COL21A1: variants seen among roughly 807,000 people sequenced by gnomAD.
The protein encoded by COL21A1 is collagen alpha-1(XXI) chain.
A neutral mutation model predicts 137.9 loss-of-function variants in COL21A1; 149 were observed. The observed-to-expected ratio is 1.08, with a 90% CI of 0.95 to 1.24. The LOEUF is 1.24. COL21A1 is among the 50% of genes most tolerant of loss of function. The probability of loss-of-function intolerance (pLI) is 0.00; values close to 1 mark genes in which losing one functional copy is unlikely to be tolerated. For synonymous variants in COL21A1, 456 were observed against 391.5 expected (o/e 1.16, Z -1.95); for missense variants, 1,167 against 1,158.4 (o/e 1.01, Z -0.11).
intron 17 of COL21A1, among the ~76,000 whole-genome samples, chr6:56,092,350 AT>A (rs1275163052): frequency 6.6e-6 from 1 of 152,166 alleles, no homozygotes; most frequent in Non-Finnish European, 1.5e-5. Context: ...ATCCATGCAG[AT>A]CCTTTTTTAC....
At chr6:56,215,892 C>T (rs1780450216) in intron 1 of COL21A1, among the ~76,000 whole-genome samples, 1 of 152,030 alleles carries the variant, frequency 6.6e-6, no homozygotes, top group Non-Finnish European at 1.5e-5. Context: ...CTGTCATTTT[C>T]CTGTAAGGTA....
intron 20 of COL21A1, among the ~76,000 whole-genome samples, chr6:56,073,553 C>T (rs1341614125): frequency 2.0e-5 from 3 of 151,338 alleles, no homozygotes; most frequent in Non-Finnish European, 1.5e-5. Flanking sequence ...GAAGGCTGTC[C>T]TAGAATCTAT....
chr6:56,379,618 A>C (rs1770187747), intron 1 of COL21A1, among the ~76,000 whole-genome samples: 1 of 152,204 alleles, frequency 6.6e-6, no homozygotes, highest in African/African-American at 2.4e-5. Flanking sequence ...TATGTACATA[A>C]ACATCAAAAA....
At chr6:56,266,582 C>T (rs1308664003) in intron 1 of COL21A1, among the ~76,000 whole-genome samples, 10 of 152,202 alleles carry the variant, frequency 6.6e-5, no homozygotes, top group African/African-American at 2.4e-4. Context: ...GCAAAATCTT[C>T]AGCTCTGCTA....
At chr6:56,265,693 C>T (rs1763376172) in intron 1 of COL21A1, among the ~76,000 whole-genome samples, 1 of 152,222 alleles carries the variant, frequency 6.6e-6, no homozygotes, top group Non-Finnish European at 1.5e-5. Context: ...CCTCCACCTA[C>T]ATCTTTTAGT....
chr6:56,164,177 C>T (rs1276547926), intron 9 of COL21A1, among the ~76,000 whole-genome samples: 1 of 152,046 alleles, frequency 6.6e-6, no homozygotes, highest in African/African-American at 2.4e-5. Context: ...AAAAAACAAC[C>T]AAACAAATAA....
intron 25 of COL21A1, among the ~76,000 whole-genome samples, chr6:56,061,331 C>T (rs1039137577): frequency 2.0e-5 from 3 of 152,060 alleles, no homozygotes; most frequent in Admixed American, 2.0e-4. Flanking sequence ...TAACACAGTC[C>T]TATTCACAAG....
intron 1 of COL21A1, among the ~76,000 whole-genome samples, chr6:56,308,884 G>C (rs988547602): frequency 6.6e-6 from 1 of 152,168 alleles, no homozygotes; most frequent in Admixed American, 6.5e-5. Context: ...CCACTGGGAA[G>C]TAGGTCCATA....
intron 1 of COL21A1, among the ~76,000 whole-genome samples, chr6:56,209,646 T>A (rs1433638879): frequency 6.6e-6 from 1 of 152,130 alleles, no homozygotes; most frequent in Non-Finnish European, 1.5e-5. Context: ...CTGGAGAGGA[T>A]GTGGAGAAAC....
At chr6:56,149,296 A>G (rs1427143525) in intron 10 of COL21A1, among the ~76,000 whole-genome samples, 1 of 152,222 alleles carries the variant, frequency 6.6e-6, no homozygotes, top group Non-Finnish European at 1.5e-5. Context: ...TAACACTGGA[A>G]CTAATAAAAA....
chr6:56,303,943 G>A (rs377688062), intron 1 of COL21A1, among the ~76,000 whole-genome samples: 1 of 152,112 alleles, frequency 6.6e-6, no homozygotes, highest in Non-Finnish European at 1.5e-5. Flanking sequence ...TAGCATGAAG[G>A]GTTGTTGAGT....
intron 1 of COL21A1, among the ~76,000 whole-genome samples, chr6:56,299,807 T>C (rs896071001): frequency 6.6e-6 from 1 of 152,080 alleles, no homozygotes; most frequent in African/African-American, 2.4e-5. Context: ...TGATATGTCT[T>C]ACCTCAACAT....
intron 17 of COL21A1, among the ~76,000 whole-genome samples, chr6:56,094,732 T>A (rs1472554820): frequency 1.3e-5 from 2 of 152,034 alleles, no homozygotes; most frequent in African/African-American, 2.4e-5. Context: ...TATGCAAGAG[T>A]GGGGACTGGC....
At chr6:56,181,488 T>C (rs1376970564) in intron 2 of COL21A1, among the ~76,000 whole-genome samples, 1 of 152,080 alleles carries the variant, frequency 6.6e-6, no homozygotes, top group Non-Finnish European at 1.5e-5. Flanking sequence ...AGACTCATTG[T>C]TGTCTGAAGC....
intron 1 of COL21A1, among the ~76,000 whole-genome samples, chr6:56,375,327 T>C (rs2093997080): frequency 6.6e-6 from 1 of 152,154 alleles, no homozygotes; most frequent in Non-Finnish European, 1.5e-5. Flanking sequence ...GGCTGAACCG[T>C]ATGGACTGAC....
intron 1 of COL21A1, among the ~76,000 whole-genome samples, chr6:56,252,942 T>C (rs1410813246): frequency 6.6e-6 from 1 of 152,206 alleles, no homozygotes; most frequent in Admixed American, 6.5e-5. Context: ...CCTTGGATTA[T>C]AAACACCTCC....
chr6:56,261,665 G>T (rs1269440301), intron 1 of COL21A1, among the ~76,000 whole-genome samples: 1 of 152,164 alleles, frequency 6.6e-6, no homozygotes, highest in Non-Finnish European at 1.5e-5. Context: ...AGTCTAAGGG[G>T]TTTTTTCTTG....
At chr6:56,125,894 T>C (rs905170952) in intron 13 of COL21A1, among the ~76,000 whole-genome samples, 1 of 152,036 alleles carries the variant, frequency 6.6e-6, no homozygotes, top group African/African-American at 2.4e-5. Context: ...TTAAATACTA[T>C]AAAATCATAT....
At chr6:56,126,525 A>G in intron 12 of COL21A1, 1 of 181,038 alleles carries the variant, frequency 5.5e-6, no homozygotes, top group Non-Finnish European at 1.1e-5. Flanking sequence ...CAGCTCAGTA[A>G]TGAAAGGCCC....
Sources: allele counts gnomAD v4.1 joint callset (sites outside exome capture counted in the v4.1 genomes callset), GRCh38; gene constraint gnomAD v4.1.1; transcripts MANE v1.5; gene names NCBI Gene and HGNC (gene_info 2026-07-23, HGNC 2026-07-21).